The following MORF4L1 variants were observed in gnomAD, a reference collection of about 807,000 sequenced individuals.
The protein encoded by MORF4L1 is mortality factor 4-like protein 1.
MORF4L1 carries 4 observed loss-of-function variants against 52.9 expected under a neutral mutation model. The observed-to-expected ratio is 0.08, with a 90% CI of 0.04 to 0.17. The LOEUF is 0.17. Among genes scored for constraint, MORF4L1 ranks in the 10% least tolerant of loss-of-function variants. MORF4L1 has a pLI of 1.00. For synonymous variants in MORF4L1, 123 were observed against 134.8 expected, an observed-to-expected ratio of 0.91 and a Z score of 0.61; for missense variants, 214 against 390.4, an observed-to-expected ratio of 0.55 and a Z score of 3.81.
chr15:78,889,714 A>G (rs943482982), intron 5 of MORF4L1, among the ~76,000 whole-genome samples: 1 of 152,214 alleles, frequency 6.6e-6, no homozygotes, highest in East Asian at 1.9e-4. Context: ...ACCTATACAC[A>G]GATTTTTGTG....
At chr15:78,874,290 G>C (rs539000254) in intron 1 of MORF4L1, among the ~76,000 whole-genome samples, 19 of 152,308 alleles carry the variant, frequency 1.2e-4, no homozygotes, top group Non-Finnish European at 1.9e-4. Flanking sequence ...ATTCCTTTTA[G>C]AGCCGTAAAC....
intron 3 of MORF4L1, among the ~76,000 whole-genome samples, chr15:78,885,857 A>ACT (rs1359294614): frequency 6.6e-6 from 1 of 152,230 alleles, no homozygotes; most frequent in Non-Finnish European, 1.5e-5. Flanking sequence ...TCACTTAGTG[A>ACT]ATCTTACATT....
intron 6 of MORF4L1, 76 bp from the exon 7 acceptor site, chr15:78,891,408 A>G: frequency 1.9e-6 from 2 of 1,064,226 alleles, no homozygotes; most frequent in East Asian, 2.4e-5. Context: ...AAAAGGGTTA[A>G]TGTGTCAAGA....
intron 11 of MORF4L1, among the ~76,000 whole-genome samples, chr15:78,896,606 C>A (rs985755842): frequency 6.6e-6 from 1 of 151,638 alleles, no homozygotes; most frequent in African/African-American, 2.4e-5. Context: ...CCACTCCCGG[C>A]TGATAACGAT....
Position 78,880,593 on chromosome 15 carries a change from C to T in MORF4L1, c.155+14C>T, listed in dbSNP as rs1299792972. The T allele has an allele frequency of 1.3e-6, 2 of 1,543,188 alleles. No individual in the cohort carries two copies. Among genetic ancestry groups the T allele is most frequent in the Middle Eastern group, 1.7e-4 (1 of 5,878 alleles). On this transcript the variant is annotated intron_variant, in intron 3 of 11. Transcript: ENST00000426013. Reference sequence around the variant, plus strand: ...TTGGAATAAAAAGTGAGTATTAGATCTTACAATTCTATTTGTAATTAACAA... The same window carrying T: ...TTGGAATAAAAAGTGAGTATTAGATTTTACAATTCTATTTGTAATTAACAA...
intron 1 of MORF4L1, 41 bp downstream of exon 1, chr15:78,873,098 G>GTA: frequency 6.5e-7 from 1 of 1,550,156 alleles, no homozygotes; most frequent in Non-Finnish European, 8.7e-7. Flanking sequence ...TAACGGCGCA[G>GTA]GAGATAGAGG....
intron 1 of MORF4L1, 25 bp downstream of exon 1, chr15:78,873,082 G>A (rs1285724976): frequency 1.3e-6 from 2 of 1,550,522 alleles, no homozygotes; most frequent in Admixed American, 2.0e-5. Context: ...TTGGGAAAAA[G>A]GCACCTAACG....
At chr15:78,896,099 C>T (rs2056883348) in intron 11 of MORF4L1, among the ~76,000 whole-genome samples, 1 of 152,122 alleles carries the variant, frequency 6.6e-6, no homozygotes, top group Admixed American at 6.5e-5. Flanking sequence ...GGGCCTCAGC[C>T]TCCCAAGTAG....
chr15:78,896,900 G>C, intron 11 of MORF4L1, 83 bp from the exon 12 acceptor site: 1 of 1,026,740 alleles, frequency 9.7e-7, no homozygotes. Context: ...GTTTTCTGTG[G>C]CTTATGTATA....
At chr15:78,891,719 T>C in intron 7 of MORF4L1, 147 bp downstream of exon 7, 1 of 599,636 alleles carries the variant, frequency 1.7e-6, no homozygotes, top group Non-Finnish European at 2.9e-6. Context: ...GGGTAAAGGA[T>C]AAATTTCTGT....
intron 4 of MORF4L1, among the ~76,000 whole-genome samples, chr15:78,886,971 A>G (rs932786848): frequency 6.9e-6 from 1 of 145,770 alleles, no homozygotes; most frequent in African/African-American, 2.5e-5. Flanking sequence ...AAAAAAAAAA[A>G]GAATTAAAAT....
chr15:78,876,586 G>T (rs2056496845), intron 1 of MORF4L1: 1 of 455,838 alleles, frequency 2.2e-6, no homozygotes, highest in Non-Finnish European at 4.4e-6. Flanking sequence ...GGAGAAAAAT[G>T]GTAGGCCATT....
rs117936522 is a variant in MORF4L1, at chr15:78,875,424, G to T, written c.40+2367G>T. ...GTCTGTATTTAACATTACTTTCCAG[G>T]TGTGTTTTGTACTTGTGTTTAAAAT... On this transcript the variant is annotated intron_variant, in intron 1 of 11. Transcript: ENST00000426013. 3.0e-3 allele frequency among the ~76,000 whole-genome samples: 459 copies of T among 152,308 alleles called. 1 individual carries two copies. Among genetic ancestry groups the T allele is most frequent in the Middle Eastern group, 0.017 (5 of 294 alleles).
intron 1 of MORF4L1, chr15:78,876,488 C>A: frequency 2.2e-6 from 1 of 454,004 alleles, no homozygotes; most frequent in Non-Finnish European, 4.4e-6. Context: ...TATATTTTTT[C>A]AACAAAATAC....
chr15:78,884,048 A>T (rs977696496), intron 3 of MORF4L1, among the ~76,000 whole-genome samples: 4 of 150,902 alleles, frequency 2.7e-5, no homozygotes, highest in Non-Finnish European at 5.9e-5. Context: ...TAGTAAAAAT[A>T]CAAAAATTAG....
In MORF4L1 at chr15:78,891,521, C is replaced by A. The variant is rs750906882; in HGVS notation, c.387C>A (p.Thr129=). 1 of 1,614,012 alleles carries A rather than the reference C, an allele frequency of 6.2e-7. No individual in the cohort carries two copies. Residue 129 remains threonine (T), a synonymous_variant, in exon 7 of 12, where the codon ACC becomes ACA. Coordinates refer to ENST00000426013, the MANE Select transcript of MORF4L1 (RefSeq NM_006791.4). ...GNGDGGSTSE[T]PQPPRKKRAR... is the part of the protein sequence containing the mutation. The stretch of plus-strand genomic sequence containing the variant: ...GAGATGGTGGCAGTACCAGTGAGAC[C>A]CCTCAGCCTCCTCGGAAGAAAAGGG...
chr15:78,881,816 G>C (rs1005686262), intron 3 of MORF4L1, among the ~76,000 whole-genome samples: 3 of 152,190 alleles, frequency 2.0e-5, no homozygotes, highest in African/African-American at 7.2e-5. Context: ...AGTAACTTAA[G>C]GCTTTGTGTC....
At chr15:78,886,250 A>G in intron 4 of MORF4L1, 23 bp downstream of exon 4, 2 of 1,574,472 alleles carry the variant, frequency 1.3e-6, no homozygotes, top group South Asian at 2.2e-5. Context: ...TGTGAACTGA[A>G]TATTAAGGAG....
chr15:78,891,534 C>A lies in MORF4L1; in HGVS notation c.400C>A (p.Arg134=). ...GSTSETPQPP[R]KKRARVDPTV... is the part of the protein sequence containing the mutation. ...TACCAGTGAGACCCCTCAGCCTCCT[C>A]GGAAGAAAAGGGCCCGGGTAGATCC... is the stretch of plus-strand genomic sequence containing the variant. Residue 134 remains arginine (R), a synonymous_variant, in exon 7 of 12, where the codon CGG becomes AGG. Coordinates refer to ENST00000426013, the MANE Select transcript of MORF4L1 (RefSeq NM_006791.4). The A allele has an allele frequency of 1.9e-6, 3 of 1,614,046 alleles. No individual in the cohort carries two copies. Among genetic ancestry groups the A allele is most frequent in the Non-Finnish European group, 2.5e-6 (3 of 1,179,974 alleles).
Sources: gnomAD v4.1 joint callset for allele counts (sites outside exome capture counted in the v4.1 genomes callset) on GRCh38, gnomAD v4.1.1 for gene constraint, MANE v1.5 for transcripts, NCBI Gene and HGNC (gene_info 2026-07-23, HGNC 2026-07-21) for gene names.